Variants in SLC25A48 observed in about 807,000 individuals in gnomAD.
The protein encoded by SLC25A48 is solute carrier family 25 member 48.
Under a neutral mutation model 32.2 loss-of-function variants are expected in SLC25A48, and 29 were observed. That is an observed-to-expected ratio of 0.90 (90% confidence interval 0.67 to 1.23). SLC25A48 has a LOEUF of 1.23. Ranked by LOEUF, SLC25A48 falls within the 50% of genes most tolerant of loss-of-function variation. The probability of loss-of-function intolerance (pLI) is 0.00; values close to 1 mark genes in which losing one functional copy is unlikely to be tolerated. For synonymous variants in SLC25A48, 164 were observed against 172.3 expected (o/e 0.95, Z 0.38); for missense variants, 399 against 422.7 (o/e 0.94, Z 0.49).
At chr5:135,824,986 G>A (rs1757994339) in intron 4 of SLC25A48, 2 of 152,244 alleles carry the variant, frequency 1.3e-5, no homozygotes. Context: ...GACACTGCAG[G>A]AAGACTGTCC....
Position 135,784,553 on chromosome 5 carries a change from C to T in SLC25A48, c.-520-27970C>T, listed in dbSNP as rs1320572285. On this transcript the variant is annotated intron_variant, in intron 3 of 10. Coordinates refer to the SLC25A48 transcript ENST00000646290. ...GTTGATGATATTACCCCCAATATTG[C>T]AGAAAGTGTACACCCACCACGTGAT... Among the ~76,000 whole-genome samples, 9 of 117,676 alleles carry T rather than the reference C, an allele frequency of 7.6e-5. 1 individual carries two copies. Among genetic ancestry groups the T allele is most frequent in the African/African-American group, 2.3e-4 (9 of 38,600 alleles). 77.2% of individuals were successfully genotyped at this position (117,676 alleles called of 152,430 possible).
intron 6 of SLC25A48, chr5:135,876,505 G>A (rs1762069485): frequency 6.6e-6 from 1 of 151,952 alleles, no homozygotes; most frequent in African/African-American, 2.4e-5. Flanking sequence ...GACGGTTCAA[G>A]GTTAATTGTT....
At chr5:135,630,801 C>T (rs1054331292) in intron 2 of SLC25A48, among the ~76,000 whole-genome samples, 1 of 151,938 alleles carries the variant, frequency 6.6e-6, no homozygotes. Context: ...GGGGTTTCAC[C>T]ATGTTGGCCA....
chr5:135,679,225 C>T (rs977282829), intron 3 of SLC25A48, among the ~76,000 whole-genome samples: 3 of 152,106 alleles, frequency 2.0e-5, no homozygotes, highest in African/African-American at 7.2e-5. Flanking sequence ...TGGGTGGGTG[C>T]CTACTATGGT....
chr5:135,658,689 A>G (rs142980807), intron 3 of SLC25A48, among the ~76,000 whole-genome samples: 152 of 152,318 alleles, frequency 1.0e-3, no homozygotes, highest in African/African-American at 3.3e-3. Flanking sequence ...CCTAGACATC[A>G]GGTATTCCCA....
intron 3 of SLC25A48, among the ~76,000 whole-genome samples, chr5:135,692,113 C>G (rs894000816): frequency 3.3e-5 from 5 of 152,074 alleles, no homozygotes; most frequent in African/African-American, 1.2e-4. Flanking sequence ...GTCAGGAGAT[C>G]GAGACCATTC....
intron 3 of SLC25A48, among the ~76,000 whole-genome samples, chr5:135,763,754 A>AAC (rs747888245): frequency 0.016 from 2,328 of 145,944 alleles, 26 homozygotes; most frequent in South Asian, 0.022. Flanking sequence ...GAGAAATAGG[A>AAC]ACACACACAT....
At chr5:135,767,975 T>A (rs1756290081) in intron 3 of SLC25A48, among the ~76,000 whole-genome samples, 1 of 145,822 alleles carries the variant, frequency 6.9e-6, no homozygotes, top group African/African-American at 2.6e-5. Flanking sequence ...GAGAGGATAA[T>A]ATTACTCCCA....
intron 3 of SLC25A48, among the ~76,000 whole-genome samples, chr5:135,808,742 T>A (rs1757527369): frequency 6.6e-6 from 1 of 152,172 alleles, no homozygotes; most frequent in South Asian, 2.1e-4. Context: ...CACAAGAACA[T>A]GGAAGGTGCT....
chr5:135,582,086 G>T (rs1297730409), intron 1 of SLC25A48, among the ~76,000 whole-genome samples: 1 of 152,230 alleles, frequency 6.6e-6, no homozygotes, highest in African/African-American at 2.4e-5. Flanking sequence ...CACATTCATG[G>T]TCATACTGGA....
intron 3 of SLC25A48, among the ~76,000 whole-genome samples, chr5:135,728,085 C>T (rs1259859354): frequency 6.6e-6 from 1 of 151,948 alleles, no homozygotes; most frequent in Non-Finnish European, 1.5e-5. Context: ...GGTGAAACCC[C>T]ATCTCTACTA....
intron 4 of SLC25A48, chr5:135,826,633 C>G (rs781515783): frequency 6.6e-6 from 1 of 152,200 alleles, no homozygotes; most frequent in Admixed American, 6.5e-5. Flanking sequence ...TTACTTTGTA[C>G]TAGGCACTTT....
chr5:135,867,636 T>C (rs79483339), intron 4 of SLC25A48, among the ~76,000 whole-genome samples: 1 of 152,212 alleles, frequency 6.6e-6, no homozygotes, highest in Admixed American at 6.5e-5. Context: ...ATACTGGTCA[T>C]AGTTTTCTAT....
chr5:135,585,407 G>A (rs1042547824), intron 1 of SLC25A48, among the ~76,000 whole-genome samples: 6 of 152,126 alleles, frequency 3.9e-5, no homozygotes, highest in African/African-American at 1.2e-4. Context: ...CCTGACTCCC[G>A]TCCTAGCCCC....
intron 5 of SLC25A48, chr5:135,872,131 C>A: frequency 1.7e-6 from 1 of 598,502 alleles, no homozygotes; most frequent in Non-Finnish European, 2.4e-6. Context: ...TGTTAAGTAG[C>A]CAATCCCAGG....
At chr5:135,686,087 A>T (rs1247803695) in intron 3 of SLC25A48, among the ~76,000 whole-genome samples, 7 of 152,122 alleles carry the variant, frequency 4.6e-5, no homozygotes, top group African/African-American at 1.7e-4. Context: ...CCTCTCTATT[A>T]TCATGGTATT....
At chr5:135,742,889 T>C (rs1314069424) in intron 3 of SLC25A48, among the ~76,000 whole-genome samples, 1 of 139,192 alleles carries the variant, frequency 7.2e-6, no homozygotes, top group Non-Finnish European at 1.5e-5. Context: ...AAGAGAACTT[T>C]GCGTATAGTA....
chr5:135,829,388 C>G (rs1758147160), intron 4 of SLC25A48, among the ~76,000 whole-genome samples: 1 of 152,092 alleles, frequency 6.6e-6, no homozygotes, highest in East Asian at 1.9e-4. Flanking sequence ...ATTTCCTATT[C>G]TCAGATGTCC....
chr5:135,590,744 G>C (rs1052239591), intron 1 of SLC25A48, among the ~76,000 whole-genome samples: 2 of 152,124 alleles, frequency 1.3e-5, no homozygotes, highest in Admixed American at 1.3e-4. Context: ...GGAGGCTTTG[G>C]AGAAAAGACA....
Sources: allele counts gnomAD v4.1 joint callset (sites outside exome capture counted in the v4.1 genomes callset), GRCh38; gene constraint gnomAD v4.1.1; transcripts MANE v1.5; gene names NCBI Gene and HGNC (gene_info 2026-07-23, HGNC 2026-07-21).